Variants in MITF observed in about 807,000 individuals in gnomAD.
MITF encodes the protein microphthalmia-associated transcription factor.
MITF carries 17 observed loss-of-function variants against 60.5 expected under a neutral mutation model. The ratio of observed to expected loss-of-function variants is 0.28; its 90% confidence interval spans 0.19 to 0.42. The LOEUF is 0.42. MITF is among the 10% of genes least tolerant of loss of function. The pLI, the probability that MITF is intolerant of heterozygous loss-of-function variation, is 1.00. For missense variants in MITF, 622 were observed against 683.5 expected (o/e 0.91, Z 1.00); for synonymous variants, 260 against 248.5 (o/e 1.05, Z -0.43).
intron 1 of MITF, among the ~76,000 whole-genome samples, chr3:69,744,190 A>T (rs191621268): frequency 6.6e-6 from 1 of 152,202 alleles, no homozygotes; most frequent in African/African-American, 2.4e-5. Context: ...ACCTACATAT[A>T]TTTGGGTGTA....
At chr3:69,832,629 G>A (rs1400793468) in intron 1 of MITF, among the ~76,000 whole-genome samples, 1 of 152,140 alleles carries the variant, frequency 6.6e-6, no homozygotes, top group Non-Finnish European at 1.5e-5. Context: ...CGTTTACACT[G>A]TATATTGTTG....
intron 9 of MITF, among the ~76,000 whole-genome samples, chr3:69,960,028 C>T (rs1209426135): frequency 1.3e-5 from 2 of 152,194 alleles, no homozygotes; most frequent in African/African-American, 2.4e-5. Flanking sequence ...AGTGTTGTGA[C>T]TAGGGTCTCA....
intron 1 of MITF, chr3:69,778,730 T>C (rs2062515764): frequency 6.6e-6 from 1 of 152,242 alleles, no homozygotes; most frequent in South Asian, 2.1e-4. Flanking sequence ...CTAACACATA[T>C]AGCTCTGAGT....
intron 1 of MITF, among the ~76,000 whole-genome samples, chr3:69,744,521 T>C (rs751630312): frequency 2.0e-5 from 3 of 152,172 alleles, no homozygotes; most frequent in Non-Finnish European, 2.9e-5. Context: ...CTCAAGAATA[T>C]AAGTGTTACA....
chr3:69,935,703 A>T (rs930985606), intron 2 of MITF, among the ~76,000 whole-genome samples: 6 of 152,204 alleles, frequency 3.9e-5, no homozygotes, highest in Admixed American at 6.5e-5. Flanking sequence ...ATAATTTATA[A>T]GTATATATTT....
At chr3:69,815,684 T>C (rs1201929736) in intron 1 of MITF, among the ~76,000 whole-genome samples, 1 of 152,176 alleles carries the variant, frequency 6.6e-6, no homozygotes, top group African/African-American at 2.4e-5. Context: ...TCAAAAGTTA[T>C]ATGTGGATTT....
Position 69,965,016 on chromosome 3 carries a change from T to C in MITF, c.1349T>C (p.Leu450Pro). Residue 450 changes from leucine (L) to proline (P), a missense_variant, in exon 10 of 10, where the codon CTC (leucine) becomes CCC (proline). Physicochemically the swap from Leu to Pro is moderately conservative, Grantham distance 98 (BLOSUM62 -3). Around this residue, in one of 5 missense-constraint regions of MITF, gnomAD observed 224 missense variants for 209.5 expected, o/e 1.07. Transcript: ENST00000352241. The part of the protein sequence containing the change: ...ADLTCTTTLD[L>P]TDGTITFNNN... ...CTAACCTGTACAACAACTCTCGATC[T>C]CACGGATGGCACCATCACCTTCAAC... 1 of 1,614,086 alleles carries C rather than the reference T, an allele frequency of 6.2e-7. No homozygotes were observed. The highest frequency in any genetic ancestry group is 8.5e-7 in the Non-Finnish European group (1 of 1,180,002).
chr3:69,927,304 G>A (rs988272723), intron 2 of MITF, among the ~76,000 whole-genome samples: 3 of 152,070 alleles, frequency 2.0e-5, no homozygotes, highest in Non-Finnish European at 4.4e-5. Flanking sequence ...TCATTCATAC[G>A]TGGGAGTTGA....
At chr3:69,939,289 T>A (rs191641090) in intron 4 of MITF, 108 bp downstream of exon 4, 1 of 944,486 alleles carries the variant, frequency 1.1e-6, no homozygotes, top group South Asian at 1.5e-5. Flanking sequence ...CCCCATTGTT[T>A]TTTTTTTTTT....
chr3:69,959,005 G>A (rs542373903), intron 8 of MITF, among the ~76,000 whole-genome samples: 357 of 139,572 alleles, frequency 2.6e-3, no homozygotes, highest in Non-Finnish European at 3.3e-3. Flanking sequence ...GACTTGCGGG[G>A]AAGGGAGGGA....
At chr3:69,806,151 C>A (rs1314528179) in intron 1 of MITF, among the ~76,000 whole-genome samples, 1 of 150,820 alleles carries the variant, frequency 6.6e-6, no homozygotes, top group Non-Finnish European at 1.5e-5. Flanking sequence ...ATGGCATGAT[C>A]TCGGCTCACT....
chr3:69,803,094 T>C (rs895044582), intron 1 of MITF, among the ~76,000 whole-genome samples: 1 of 152,188 alleles, frequency 6.6e-6, no homozygotes, highest in Non-Finnish European at 1.5e-5. Context: ...CATATTCTTA[T>C]GCAGCTTCTG....
chr3:69,806,728 C>T (rs1044722527), intron 1 of MITF, among the ~76,000 whole-genome samples: 2 of 152,156 alleles, frequency 1.3e-5, no homozygotes, highest in Non-Finnish European at 2.9e-5. Context: ...CCGGCGAGGA[C>T]AGTGCTATCC....
At chr3:69,797,133 G>A (rs1000955287) in intron 1 of MITF, among the ~76,000 whole-genome samples, 4 of 152,038 alleles carry the variant, frequency 2.6e-5, no homozygotes, top group African/African-American at 9.7e-5. Context: ...CCTCTAATTC[G>A]CTCCCTTCAA....
intron 1 of MITF, 93 bp downstream of exon 1, chr3:69,739,794 T>G: frequency 2.1e-6 from 2 of 938,434 alleles, no homozygotes; most frequent in Non-Finnish European, 3.4e-6. Context: ...GCGGGAGCTC[T>G]GGGACAAGGA....
chr3:69,820,381 C>A (rs1242216732), intron 1 of MITF, among the ~76,000 whole-genome samples: 2 of 152,056 alleles, frequency 1.3e-5, no homozygotes, highest in African/African-American at 2.4e-5. Flanking sequence ...TGGAGTAGAT[C>A]AGATATGGAA....
At chr3:69,871,405 AT>A (rs1335792013) in intron 1 of MITF, among the ~76,000 whole-genome samples, 9 of 152,206 alleles carry the variant, frequency 5.9e-5, no homozygotes, top group African/African-American at 1.9e-4. Context: ...TGACAACACC[AT>A]AACCTCATGA....
chr3:69,919,556 A>G lies in MITF; in HGVS notation c.355-18266A>G, dbSNP rs531822453. On this transcript the variant is annotated intron_variant, in intron 2 of 9. Transcript: ENST00000352241. ...TGCATGTGTGTGTATATATCTAAAA[A>G]CTATACTTTTTCCTTTCCTTCTAAC... is the stretch of plus-strand genomic sequence containing the variant. 5.3e-5 allele frequency among the ~76,000 whole-genome samples: 8 copies of G among 152,308 alleles called. No homozygotes were observed. In the South Asian group the frequency reaches 8.3e-4, roughly 16 times the overall value.
At chr3:69,859,542 G>A (rs1396579616) in intron 1 of MITF, among the ~76,000 whole-genome samples, 1 of 152,152 alleles carries the variant, frequency 6.6e-6, no homozygotes, top group African/African-American at 2.4e-5. Flanking sequence ...CAAGGGAAGG[G>A]TGGGTTCATC....
Sources: allele counts gnomAD v4.1 joint callset (sites outside exome capture counted in the v4.1 genomes callset), GRCh38; gene constraint gnomAD v4.1.1; regional missense constraint gnomAD v4.1.1; transcripts MANE v1.5; gene names NCBI Gene and HGNC (gene_info 2026-07-23, HGNC 2026-07-21).